Variants in ATP8A1 observed in about 807,000 individuals in gnomAD.
ATP8A1 encodes the protein phospholipid-transporting ATPase IA.
ATP8A1 carries 90 observed loss-of-function variants against 177.7 expected under a neutral mutation model. The observed-to-expected ratio is 0.51, with a 90% CI of 0.43 to 0.60. The LOEUF is 0.60. ATP8A1 is among the 20% of genes least tolerant of loss of function. The pLI, the probability that ATP8A1 is intolerant of heterozygous loss-of-function variation, is 0.00. For missense variants in ATP8A1, 1,072 were observed against 1,392.8 expected (o/e 0.77, Z 3.67); for synonymous variants, 493 against 485.9 (o/e 1.01, Z -0.19).
intron 25 of ATP8A1, among the ~76,000 whole-genome samples, chr4:42,468,609 T>G (rs759438885): frequency 6.6e-6 from 1 of 152,112 alleles, no homozygotes; most frequent in Non-Finnish European, 1.5e-5. Flanking sequence ...CTTACTCATA[T>G]GTGGGAGTTA....
At chr4:42,444,390 A>G (rs1477093037) in intron 32 of ATP8A1, among the ~76,000 whole-genome samples, 188 bp downstream of exon 32, 5 of 152,064 alleles carry the variant, frequency 3.3e-5, no homozygotes, top group Non-Finnish European at 7.4e-5. Context: ...AGTTTGTTTA[A>G]CTCAGTATTT....
intron 15 of ATP8A1, among the ~76,000 whole-genome samples, chr4:42,566,201 AAG>A (rs1731325119): frequency 6.6e-6 from 1 of 152,212 alleles, no homozygotes; most frequent in East Asian, 1.9e-4. Context: ...ACATATATCT[AAG>A]AGGTAATTAT....
chr4:42,494,847 G>A (rs1478517321), intron 24 of ATP8A1, among the ~76,000 whole-genome samples: 1 of 152,092 alleles, frequency 6.6e-6, no homozygotes, highest in Non-Finnish European at 1.5e-5. Flanking sequence ...TTATAAAGAC[G>A]ACACCCAGGG....
chr4:42,574,705 A>G lies in ATP8A1; in HGVS notation c.1209T>C (p.Val403=). The G allele has an allele frequency of 6.3e-7, 1 of 1,594,040 alleles. No individual in the cohort carries two copies. The highest frequency in any genetic ancestry group is 2.2e-5 in the East Asian group (1 of 44,464). The stretch of plus-strand genomic sequence containing the variant: ...CAGTTTTGTCAGAAAATATGTATTT[A>G]ACCTAAAAAAGTTTAAAATTTCTCA... ...TSNLNEELGQ[V]KYIFSDKTGT... The change falls in exon 14 of 37, where the codon GTT becomes GTC. Residue 403 remains valine (V), a splice_region_variant and synonymous_variant. Transcript: ENST00000381668.
At chr4:42,538,418 G>C (rs1728053836) in intron 20 of ATP8A1, among the ~76,000 whole-genome samples, 1 of 152,044 alleles carries the variant, frequency 6.6e-6, no homozygotes, top group Non-Finnish European at 1.5e-5. Flanking sequence ...ATAAATAGAT[G>C]GGACTTAAAC....
intron 35 of ATP8A1, among the ~76,000 whole-genome samples, chr4:42,420,008 AAAAC>A (rs1553865541): frequency 7.8e-6 from 1 of 128,570 alleles, no homozygotes; most frequent in African/African-American, 3.1e-5. Flanking sequence ...GTCTCAAAAA[AAAAC>A]AAACAAACAA....
chr4:42,656,586 C>T (rs1741649662), intron 1 of ATP8A1, among the ~76,000 whole-genome samples: 1 of 152,124 alleles, frequency 6.6e-6, no homozygotes, highest in Non-Finnish European at 1.5e-5. Flanking sequence ...CACTGCGGTG[C>T]AAAGCACGCC....
Position 42,482,663 on chromosome 4 carries a change from T to C in ATP8A1, c.2324+2833A>G, listed in dbSNP as rs571456346. 3.9e-5 allele frequency among the ~76,000 whole-genome samples: 6 copies of C among 152,294 alleles called. No individual in the cohort carries two copies. The South Asian group carries it at 1.2e-3, about 32-fold the overall frequency. ...TGTGTCAATGAGGCAAACACTAAAATCTGCCTCATTCTGCCCTGTATGCTG... is the reference window on the plus strand; with the variant it reads ...TGTGTCAATGAGGCAAACACTAAAACCTGCCTCATTCTGCCCTGTATGCTG... On this transcript the variant is annotated intron_variant, in intron 25 of 36. Coordinates refer to ENST00000381668, the MANE Select transcript of ATP8A1 (RefSeq NM_006095.2).
rs928816880 is a variant in ATP8A1 at position 42,552,411 on chromosome 4, A to C, written c.1519+94T>G. ...GTAAATAAAAATTTTTATCTAAAAAACACTCAATTTGGCTATCTTTTTAAA... is the reference window on the plus strand; with the variant it reads ...GTAAATAAAAATTTTTATCTAAAAACCACTCAATTTGGCTATCTTTTTAAA... On this transcript the variant is annotated intron_variant, in intron 17 of 36. Transcript: ENST00000381668. 7 of 1,022,026 alleles carry C rather than the reference A, an allele frequency of 6.8e-6. No individual in the cohort carries two copies. In the African/African-American group the frequency reaches 1.0e-4, roughly 15 times the overall value. 63.3% of individuals were successfully genotyped at this position (1,022,026 alleles called of 1,614,324 possible).
At chr4:42,499,437 G>T (rs888860499) in intron 24 of ATP8A1, among the ~76,000 whole-genome samples, 2 of 152,254 alleles carry the variant, frequency 1.3e-5, no homozygotes, top group South Asian at 4.2e-4. Context: ...ACATAAAAGA[G>T]ATGCCAGAAG....
At chr4:42,446,744 G>A in intron 30 of ATP8A1, 100 bp from the exon 31 acceptor site, 5 of 1,078,832 alleles carry the variant, frequency 4.6e-6, no homozygotes, top group South Asian at 1.4e-5. Context: ...GGAAATCAAG[G>A]GATACACAAT....
At chr4:42,470,967 A>T (rs942900850) in intron 25 of ATP8A1, among the ~76,000 whole-genome samples, 2 of 152,196 alleles carry the variant, frequency 1.3e-5, no homozygotes, top group Non-Finnish European at 2.9e-5. Flanking sequence ...ACAAAAGGAG[A>T]GAAAAACGTA....
intron 4 of ATP8A1, among the ~76,000 whole-genome samples, chr4:42,621,200 A>G (rs1385135246): frequency 6.6e-6 from 1 of 152,180 alleles, no homozygotes; most frequent in African/African-American, 2.4e-5. Context: ...GTCATTTCCA[A>G]TCAAGAAGAC....
At chr4:42,543,832 T>C (rs1728631311) in intron 20 of ATP8A1, 85 bp downstream of exon 20, 2 of 943,560 alleles carry the variant, frequency 2.1e-6, no homozygotes, top group Non-Finnish European at 3.1e-6. Flanking sequence ...GTTAAACATC[T>C]GTGTTACATT....
intron 24 of ATP8A1, among the ~76,000 whole-genome samples, chr4:42,498,360 A>G (rs1156987980): frequency 1.3e-5 from 2 of 152,246 alleles, no homozygotes; most frequent in Non-Finnish European, 2.9e-5. Flanking sequence ...TGAATGTCCT[A>G]TAAGTTATAG....
At chr4:42,600,431 C>T (rs896787363) in intron 6 of ATP8A1, 47 bp downstream of exon 6, 2 of 1,536,914 alleles carry the variant, frequency 1.3e-6, no homozygotes, top group Non-Finnish European at 1.8e-6. Flanking sequence ...CTAGAGTACA[C>T]CGCTATGTAT....
intron 30 of ATP8A1, among the ~76,000 whole-genome samples, chr4:42,447,533 T>C (rs933622336): frequency 5.3e-5 from 8 of 152,130 alleles, no homozygotes; most frequent in Non-Finnish European, 8.8e-5. Context: ...TGCACAAAAA[T>C]TTCTAGTACT....
In ATP8A1 at chr4:42,528,500, C is replaced by T. The variant is rs951947530; in HGVS notation, c.1723-3653G>A. 3.3e-5 allele frequency among the ~76,000 whole-genome samples: 5 copies of T among 151,928 alleles called. No homozygotes were observed. In the East Asian group the frequency reaches 9.6e-4, roughly 29 times the overall value. On this transcript the variant is annotated intron_variant, in intron 20 of 36. Coordinates refer to ENST00000381668, the MANE Select transcript of ATP8A1 (RefSeq NM_006095.2). ...TGACAGTGGATTATCAGAAGTTTAA[C>T]CAAGTGGTGACTCCAATTGTAGCTG... is the stretch of plus-strand genomic sequence containing the variant.
intron 1 of ATP8A1, among the ~76,000 whole-genome samples, chr4:42,641,791 C>A (rs943792402): frequency 3.9e-5 from 6 of 152,170 alleles, no homozygotes; most frequent in Non-Finnish European, 8.8e-5. Flanking sequence ...GAGCTATTTA[C>A]ACATTTTATA....
Sources: allele counts gnomAD v4.1 joint callset (sites outside exome capture counted in the v4.1 genomes callset), GRCh38; gene constraint gnomAD v4.1.1; transcripts MANE v1.5; gene names NCBI Gene and HGNC (gene_info 2026-07-23, HGNC 2026-07-21).